The following SPATA7 variants were observed in gnomAD, a reference collection of about 807,000 sequenced individuals.
The protein encoded by SPATA7 is spermatogenesis-associated protein 7.
In SPATA7, 43 loss-of-function variants were observed where a neutral mutation model predicts 51.8. The ratio of observed to expected loss-of-function variants is 0.83; its 90% CI spans 0.65 to 1.07. The LOEUF (loss-of-function observed/expected upper bound fraction) is 1.07. Among genes scored for constraint, SPATA7 ranks in the 50% least tolerant of loss-of-function variants. The pLI is 0.00. For missense variants in SPATA7, 683 were observed against 701.3 expected, an observed-to-expected ratio of 0.97 and a Z score of 0.30; for synonymous variants, 230 against 252.8, an observed-to-expected ratio of 0.91 and a Z score of 0.86.
At chr14:88,431,590 C>T (rs933262853) in intron 9 of SPATA7, among the ~76,000 whole-genome samples, 1 of 152,252 alleles carries the variant, frequency 6.6e-6, no homozygotes, top group Non-Finnish European at 1.5e-5. Flanking sequence ...TATCTTGTAA[C>T]AAATCTCAGC....
intron 3 of SPATA7, among the ~76,000 whole-genome samples, chr14:88,454,285 A>G (rs1295324217): frequency 1.3e-5 from 2 of 152,038 alleles, no homozygotes; most frequent in African/African-American, 2.4e-5. Context: ...TTTCTAGCCA[A>G]TTGTGGAGGA....
In SPATA7 at chr14:88,438,268, AG is replaced by A; in HGVS notation, c.1648del (p.Val550LeufsTer41). On this transcript the variant is annotated frameshift_variant, in exon 12 of 12. Transcript: ENST00000393545. LOFTEE classifies it low-confidence loss of function (END_TRUNC). ...ATTGAAGGTGATAGTGACCCTGAAA[AG>A]GTTGAGATTTCAAATGGATTATGTG... is the stretch of plus-strand genomic sequence containing the variant. ...NVIEGDSDPEKVEISNGLCGL... is the reference protein window; with the variant it reads ...NVIEGDSDPEXVEISNGLCGL... The A allele has an allele frequency of 6.2e-7, 1 of 1,614,104 alleles. No homozygotes were observed. Among genetic ancestry groups the A allele is most frequent in the South Asian group, 1.1e-5 (1 of 91,068 alleles).
At chr14:88,457,217 T>C (rs1295835099), downstream of SPATA7, among the ~76,000 whole-genome samples, 1 of 152,216 alleles carries the variant, frequency 6.6e-6, no homozygotes, top group African/African-American at 2.4e-5. Flanking sequence ...GGCCCTTTTT[T>C]GGTTCCATAT....
chr14:88,426,182 T>C (rs1373602379), intron 5 of SPATA7, 50 bp from the exon 6 acceptor site: 3 of 1,336,496 alleles, frequency 2.2e-6, no homozygotes, highest in Non-Finnish European at 3.2e-6. Flanking sequence ...AAATCCCCAA[T>C]TACATGAATT....
At chr14:88,460,685 G>T (rs549149451) in intron 4 of SPATA7, among the ~76,000 whole-genome samples, 1 of 152,046 alleles carries the variant, frequency 6.6e-6, no homozygotes, top group African/African-American at 2.4e-5. Context: ...AAGTTTGATC[G>T]TCTGAAGCCT....
At chr14:88,396,045 A>G (rs1247742502) in intron 3 of SPATA7, 111 bp from the exon 4 acceptor site, 6 of 826,472 alleles carry the variant, frequency 7.3e-6, no homozygotes, top group Non-Finnish European at 1.2e-5. Flanking sequence ...TTCCATCGCT[A>G]GAAGTATGAT....
intron 10 of SPATA7, among the ~76,000 whole-genome samples, chr14:88,436,797 A>C (rs1252822889): frequency 1.3e-5 from 2 of 152,028 alleles, no homozygotes; most frequent in Non-Finnish European, 2.9e-5. Context: ...GTCTGTTTTT[A>C]TGCCTGACCA....
At chr14:88,433,475 GACTA>G (rs2076993358) in intron 10 of SPATA7, among the ~76,000 whole-genome samples, 1 of 152,076 alleles carries the variant, frequency 6.6e-6, no homozygotes, top group South Asian at 2.1e-4. Context: ...AGTTATAAGT[GACTA>G]GTGAAGGAAG....
intron 3 of SPATA7, among the ~76,000 whole-genome samples, chr14:88,453,888 G>A (rs1434400433): frequency 6.6e-6 from 1 of 152,122 alleles, no homozygotes; most frequent in African/African-American, 2.4e-5. Context: ...ATCTTTTTGG[G>A]TTGGAGTAAG....
chr14:88,418,829 T>C (rs534363020), intron 5 of SPATA7, among the ~76,000 whole-genome samples: 35 of 152,218 alleles, frequency 2.3e-4, no homozygotes, highest in Non-Finnish European at 4.0e-4. Context: ...GAACTATTTC[T>C]TAATCTCTGT....
At chr14:88,453,707 C>G (rs182335371) in intron 3 of SPATA7, among the ~76,000 whole-genome samples, 2 of 152,138 alleles carry the variant, frequency 1.3e-5, no homozygotes, top group East Asian at 3.9e-4. Flanking sequence ...GTAGAAATAC[C>G]TATTCACTCT....
chr14:88,469,876 G>A lies in SPATA7; in HGVS notation c.*9G>A. 1.2e-6 allele frequency: 2 copies of A among 1,612,018 alleles called. No homozygotes were observed. The highest frequency in any genetic ancestry group is 1.7e-6 in the Non-Finnish European group (2 of 1,178,424). On this transcript the variant is annotated 3_prime_UTR_variant, in exon 5 of 5. Transcript: ENST00000556406. This position sits in a 1 kb window ranked among gnomAD's most constrained non-coding sequence, Gnocchi z 4.3. ...GGATTCCAGATGATTAACATTAACT[G>A]TTCTTCAGAGGCTGAGAAAATCACT...
At chr14:88,429,240 T>G in intron 7 of SPATA7, 108 bp from the exon 8 acceptor site, 1 of 670,902 alleles carries the variant, frequency 1.5e-6, no homozygotes, top group Non-Finnish European at 2.8e-6. Flanking sequence ...TGTATAATTT[T>G]TATCTACTGG....
chr14:88,394,468 C>T (rs1595179027), intron 3 of SPATA7, among the ~76,000 whole-genome samples: 1 of 152,294 alleles, frequency 6.6e-6, no homozygotes, highest in South Asian at 2.1e-4. Context: ...CTAATTCACA[C>T]TGTTCTGTGT....
At chr14:88,398,670 AAATTTTAAGTTTAGTGTT>A (rs1162143518) in intron 4 of SPATA7, among the ~76,000 whole-genome samples, 12 of 152,130 alleles carry the variant, frequency 7.9e-5, no homozygotes, top group Non-Finnish European at 1.5e-4. Flanking sequence ...TCAGTGTTAT[AAATTTTAAGTTTAGTGTT>A]TTCTAAGTTT....
chr14:88,431,923 C>G (rs1246311718), intron 9 of SPATA7, among the ~76,000 whole-genome samples: 1 of 152,134 alleles, frequency 6.6e-6, no homozygotes, highest in African/African-American at 2.4e-5. Flanking sequence ...ATTTGAGAAA[C>G]TGACCTGAAT....
At chr14:88,454,977 T>G in intron 3 of SPATA7, 1 of 419,314 alleles carries the variant, frequency 2.4e-6, no homozygotes, top group Non-Finnish European at 4.7e-6. Context: ...AAAACTAAAG[T>G]GATTTCTGGG....
At chr14:88,451,199 C>G (rs1446826941) in intron 3 of SPATA7, among the ~76,000 whole-genome samples, 1 of 152,104 alleles carries the variant, frequency 6.6e-6, no homozygotes, top group Non-Finnish European at 1.5e-5. Flanking sequence ...GATGGAGATT[C>G]ACTCTTGTCG....
At chr14:88,448,656 T>G (rs1022778779) in intron 3 of SPATA7, among the ~76,000 whole-genome samples, 1 of 152,166 alleles carries the variant, frequency 6.6e-6, no homozygotes, top group African/African-American at 2.4e-5. Context: ...TGTACAGATG[T>G]GTTTTTGGTG....
Sources: gnomAD v4.1 joint callset for allele counts (sites outside exome capture counted in the v4.1 genomes callset) on GRCh38, gnomAD v4.1.1 for gene constraint, Gnocchi (gnomAD v3.1) non-coding constraint, MANE v1.5 for transcripts, NCBI Gene and HGNC (gene_info 2026-07-23, HGNC 2026-07-21) for gene names.